IPMK: variants seen among roughly 807,000 people sequenced by gnomAD.
IPMK encodes inositol polyphosphate multikinase.
Under a neutral mutation model 45.8 loss-of-function variants are expected in IPMK, and 17 were observed. That is an observed-to-expected ratio of 0.37 (90% CI 0.25 to 0.56). The LOEUF (loss-of-function observed/expected upper bound fraction) is 0.56, where lower values mean the gene tolerates loss of function less well. IPMK is among the 20% of genes least tolerant of loss of function. IPMK has a pLI of 0.79. For synonymous variants in IPMK, 180 were observed against 184.3 expected (o/e 0.98, Z 0.19); for missense variants, 399 against 498.0 (o/e 0.80, Z 1.89).
At chr10:58,257,388 G>A (rs938537234) in intron 1 of IPMK, among the ~76,000 whole-genome samples, 16 of 152,126 alleles carry the variant, frequency 1.1e-4, no homozygotes, top group Non-Finnish European at 1.9e-4. Context: ...CCAGCCACTC[G>A]GGAGGCTGAG....
rs549135724 is a variant in IPMK, at chr10:58,193,395, T to C, written c.*2681A>G. 5 of 151,970 alleles carry C rather than the reference T, an allele frequency of 3.3e-5. No homozygotes were observed. The East Asian group carries it at 9.6e-4, about 29-fold the overall frequency. 9.4% of individuals were successfully genotyped at this position (151,970 alleles called of 1,614,324 possible). On this transcript the variant is annotated 3_prime_UTR_variant, in exon 6 of 6. Transcript: ENST00000373935. Reference sequence around the variant, plus strand: ...ACTAATAATGAATACTGAGTTGAAATACCACAAGCTCCACATTAGAGCCAT... The same window carrying C: ...ACTAATAATGAATACTGAGTTGAAACACCACAAGCTCCACATTAGAGCCAT...
intron 4 of IPMK, among the ~76,000 whole-genome samples, chr10:58,215,882 T>C (rs1297674662): frequency 6.6e-6 from 1 of 152,088 alleles, no homozygotes; most frequent in Non-Finnish European, 1.5e-5. Flanking sequence ...ACCAGAATTA[T>C]AGTCCTGAGA....
intron 3 of IPMK, among the ~76,000 whole-genome samples, chr10:58,220,048 C>T (rs1564531545): frequency 6.6e-6 from 1 of 152,180 alleles, no homozygotes; most frequent in Non-Finnish European, 1.5e-5. Context: ...CAGCCCATGG[C>T]CCACAGTCAC....
In IPMK at chr10:58,194,647, G is replaced by A. The variant is rs192101651; in HGVS notation, c.*1429C>T. 12 of 151,804 alleles carry A rather than the reference G, an allele frequency of 7.9e-5. 1 individual carries two copies. In the East Asian group the frequency reaches 2.1e-3, roughly 27 times the overall value. 9.4% of individuals were successfully genotyped at this position (151,804 alleles called of 1,614,324 possible). A position where few individuals can be genotyped will look rare whatever the true frequency, so the allele number is the denominator to read the frequency against. On this transcript the variant is annotated 3_prime_UTR_variant, in exon 6 of 6. Transcript: ENST00000373935. ...TCTCCACACCACAATAAAGGTGCTC[G>A]GATTTAAAAATTCAATTTGTAACTC...
At chr10:58,213,619 G>A (rs915481442) in intron 4 of IPMK, among the ~76,000 whole-genome samples, 11 of 152,034 alleles carry the variant, frequency 7.2e-5, no homozygotes, top group African/African-American at 2.2e-4. Context: ...GCCAGGAGGC[G>A]GAGCTTGCAG....
intron 4 of IPMK, among the ~76,000 whole-genome samples, chr10:58,212,197 G>A (rs570545499): frequency 9.2e-5 from 14 of 151,860 alleles, no homozygotes; most frequent in Non-Finnish European, 1.3e-4. Flanking sequence ...AGTTTCCACC[G>A]TGAAAGTTAT....
At chr10:58,234,946 C>T (rs896675040) in intron 2 of IPMK, among the ~76,000 whole-genome samples, 1 of 151,968 alleles carries the variant, frequency 6.6e-6, no homozygotes, top group Admixed American at 6.6e-5. Context: ...CCGGAATCTA[C>T]AACTAACTCA....
Position 58,196,209 on chromosome 10 carries a change from C to A in IPMK, c.1118G>T (p.Cys373Phe), listed in dbSNP as rs1588948908. The A allele has an allele frequency of 6.2e-7, 1 of 1,614,156 alleles. No individual in the cohort carries two copies. Reference sequence around the variant, plus strand: ...CACTTCTACTTCAGCAATCTCTTGGCAACCAGTGGGAAGATGGTAGAAAAC... The same window carrying A: ...CACTTCTACTTCAGCAATCTCTTGGAAACCAGTGGGAAGATGGTAGAAAAC... ...EKVFYHLPTG[C>F]QEIAEVEVRM... Residue 373 changes from cysteine (C) to phenylalanine (F), a missense_variant, in exon 6 of 6, where the codon TGC (cysteine) becomes TTC (phenylalanine). By Grantham distance (205) the Cys-to-Phe change is radical. This residue lies in a region of IPMK where 288 missense variants were observed against 398.0 expected (regional missense o/e 0.72). Coordinates refer to ENST00000373935, the MANE Select transcript of IPMK (RefSeq NM_152230.5).
At position 58,267,626 on chromosome 10, in the gene IPMK, G is replaced by A. The variant is rs752919896; in HGVS notation, c.-15C>T. 3.8e-6 allele frequency: 6 copies of A among 1,566,616 alleles called. No homozygotes were observed. In the East Asian group the frequency reaches 9.3e-5, roughly 24 times the overall value. On this transcript the variant is annotated 5_prime_UTR_variant, in exon 1 of 6. Transcript: ENST00000373935. ...TCTGTTGCCATAACGGAGAGCAGAA[G>A]CGGTAACGGCAGCGAGAGTAGGAAA...
intron 4 of IPMK, among the ~76,000 whole-genome samples, chr10:58,202,110 A>G (rs1222517187): frequency 6.6e-6 from 1 of 152,182 alleles, no homozygotes; most frequent in African/African-American, 2.4e-5. Flanking sequence ...TTTAACCTAA[A>G]ATGCAAGGTG....
chr10:58,225,004 G>C (rs1838391381), intron 3 of IPMK, among the ~76,000 whole-genome samples: 1 of 152,164 alleles, frequency 6.6e-6, no homozygotes, highest in Admixed American at 6.6e-5. Flanking sequence ...CAACAGTTTT[G>C]TCCCACTTCT....
At chr10:58,232,729 G>T (rs1285373408) in intron 2 of IPMK, among the ~76,000 whole-genome samples, 1 of 152,122 alleles carries the variant, frequency 6.6e-6, no homozygotes, top group African/African-American at 2.4e-5. Flanking sequence ...GAGAAAGCAG[G>T]AAAGATCTAA....
intron 1 of IPMK, among the ~76,000 whole-genome samples, chr10:58,258,602 C>T (rs1264967820): frequency 6.6e-6 from 1 of 152,016 alleles, no homozygotes; most frequent in Non-Finnish European, 1.5e-5. Context: ...GGAAAGTAAA[C>T]AACACCCTCC....
intron 3 of IPMK, among the ~76,000 whole-genome samples, chr10:58,220,006 C>A (rs1472551296): frequency 6.6e-6 from 1 of 152,200 alleles, no homozygotes; most frequent in Admixed American, 6.5e-5. Flanking sequence ...CAGAAGTGGT[C>A]CCTTTGCCAA....
chr10:58,224,934 A>G (rs1242654803), intron 3 of IPMK, among the ~76,000 whole-genome samples: 2 of 152,208 alleles, frequency 1.3e-5, no homozygotes, highest in Non-Finnish European at 2.9e-5. Context: ...AAAGGATAAA[A>G]ACAGAAAGAT....
intron 3 of IPMK, among the ~76,000 whole-genome samples, chr10:58,220,366 C>T (rs533586881): frequency 1.3e-5 from 2 of 152,294 alleles, no homozygotes; most frequent in African/African-American, 4.8e-5. Flanking sequence ...CTTATAAGAA[C>T]TTTTCCTTGT....
At chr10:58,218,079 G>A (rs1418871185) in intron 3 of IPMK, among the ~76,000 whole-genome samples, 1 of 152,152 alleles carries the variant, frequency 6.6e-6, no homozygotes, top group Non-Finnish European at 1.5e-5. Context: ...TTTAGTCAAA[G>A]AAGAAGAGAG....
intron 2 of IPMK, among the ~76,000 whole-genome samples, chr10:58,228,066 C>T (rs550023955): frequency 6.6e-6 from 1 of 152,120 alleles, no homozygotes; most frequent in Non-Finnish European, 1.5e-5. Flanking sequence ...CATTGTATTT[C>T]CCAGATTCCC....
chr10:58,256,411 C>CAAATTCTAGACA (rs1838967866), intron 1 of IPMK, among the ~76,000 whole-genome samples: 2 of 152,176 alleles, frequency 1.3e-5, no homozygotes, highest in Admixed American at 6.5e-5. Flanking sequence ...TCCAGCCCAG[C>CAAATTCTAGACA]AAATTCTAGT....
Sources: gnomAD v4.1 joint callset for allele counts (sites outside exome capture counted in the v4.1 genomes callset) on GRCh38, gnomAD v4.1.1 for gene constraint, gnomAD v4.1.1 regional missense constraint, MANE v1.5 for transcripts, NCBI Gene and HGNC (gene_info 2026-07-23, HGNC 2026-07-21) for gene names.